The following ADSS1 variants were observed in gnomAD, a reference collection of about 807,000 sequenced individuals.
The protein encoded by ADSS1 is adenylosuccinate synthase 1, also known as adenylosuccinate synthetase isozyme 1.
A neutral mutation model predicts 59.1 loss-of-function variants in ADSS1; 57 were observed. That is an observed-to-expected ratio of 0.97 (90% confidence interval 0.78 to 1.20). The LOEUF (loss-of-function observed/expected upper bound fraction) is 1.20. Among genes scored for constraint, ADSS1 ranks in the 50% most tolerant of loss-of-function variants. ADSS1 has a pLI of 0.00. For missense variants in ADSS1, 603 were observed against 610.3 expected (o/e 0.99, Z 0.13); for synonymous variants, 247 against 249.4 (o/e 0.99, Z 0.09).
intron 12 of ADSS1, 59 bp downstream of exon 12, chr14:104,746,444 C>T: frequency 1.3e-6 from 2 of 1,558,742 alleles, no homozygotes; most frequent in Non-Finnish European, 1.7e-6. Flanking sequence ...AAGGGGCCCA[C>T]ATCCCAGCGC....
chr14:104,738,343 ACTCTGTCTCTCATGC>A lies in ADSS1; in HGVS notation c.296-17_296-3del, dbSNP rs765056945. 3.1e-6 allele frequency: 5 copies of A among 1,611,896 alleles called. No individual in the cohort carries two copies. The highest frequency in any genetic ancestry group is 4.2e-6 in the Non-Finnish European group (5 of 1,178,358). On this transcript the variant is annotated intron_variant, in intron 2 of 12. Coordinates refer to ENST00000330877, the MANE Select transcript of ADSS1 (RefSeq NM_152328.5). ...TATGTTTTCCAGTGTCTGGGACACA[ACTCTGTCTCTCATGC>A]CTCTGTCTCTCATGCAGGCAACGGG...
Position 104,747,284 on chromosome 14 carries a change from T to C in ADSS1, c.*281T>C. The C allele has an allele frequency of 3.4e-6, 1 of 291,204 alleles. No homozygotes were observed. Among genetic ancestry groups the C allele is most frequent in the Non-Finnish European group, 6.4e-6 (1 of 156,614 alleles). 18.0% of individuals were successfully genotyped at this position (291,204 alleles called of 1,614,324 possible). A position where few individuals can be genotyped will look rare whatever the true frequency, so the allele number is the denominator to read the frequency against. On this transcript the variant is annotated 3_prime_UTR_variant, in exon 13 of 13. Coordinates refer to ENST00000330877, the MANE Select transcript of ADSS1 (RefSeq NM_152328.5). The stretch of plus-strand genomic sequence containing the variant: ...GGTTGCGTGTCCAGCCGAAGCAGTG[T>C]AATAAACATCTCCAATGGCCACTGA...
intron 4 of ADSS1, 123 bp from the exon 5 acceptor site, chr14:104,739,627 T>G: frequency 8.6e-7 from 1 of 1,164,178 alleles, no homozygotes; most frequent in South Asian, 1.4e-5. Flanking sequence ...GTTTGTCCTC[T>G]TTGAAATCTC....
chr14:104,732,205 G>C (rs934246522), intron 1 of ADSS1, among the ~76,000 whole-genome samples: 13 of 152,190 alleles, frequency 8.5e-5, no homozygotes, highest in Admixed American at 2.0e-4. Context: ...GGACCTGAAG[G>C]CTCTGCCTTT....
chr14:104,740,634 C>T lies in ADSS1; in HGVS notation c.510C>T (p.Thr170=). Residue 170 remains threonine, a synonymous_variant, in exon 6 of 13, where the codon ACC becomes ACT. Coordinates refer to ENST00000330877, the MANE Select transcript of ADSS1 (RefSeq NM_152328.5). This position sits in a 1 kb window ranked among gnomAD's most constrained non-coding sequence, Gnocchi z 4.8. ...IGTTKKGIGP[T]YSSKAARTGL... ...CCACCAAGAAGGGAATCGGACCAAC[C>T]TACTCTTCCAAAGCTGCCCGGACAG... The T allele has an allele frequency of 6.2e-7, 1 of 1,614,000 alleles. No homozygotes were observed.
intron 2 of ADSS1, among the ~76,000 whole-genome samples, chr14:104,736,953 C>T (rs921560859): frequency 6.9e-6 from 1 of 145,418 alleles, no homozygotes; most frequent in African/African-American, 2.6e-5. Context: ...TGCTGTGTTA[C>T]CCAGGCTGGC....
In ADSS1 at chr14:104,745,159, G is replaced by C. The variant is rs1891509506; in HGVS notation, c.1171+250G>C. ...TTCCAGTGTTTTGGGAATGGCTCAGGGGGACAGACTACTCGCCTGGGACCC... is the reference window on the plus strand; with the variant it reads ...TTCCAGTGTTTTGGGAATGGCTCAGCGGGACAGACTACTCGCCTGGGACCC... On this transcript the variant is annotated intron_variant, in intron 11 of 12. Transcript: ENST00000330877. The C allele has an allele frequency of 1.5e-5, 7 of 465,786 alleles. No individual in the cohort carries two copies. In the South Asian group the frequency reaches 1.6e-4, roughly 11 times the overall value. 28.9% of individuals were successfully genotyped at this position (465,786 alleles called of 1,614,324 possible).
Position 104,741,116 on chromosome 14 carries a change from G to C in ADSS1, c.667-1G>C, listed in dbSNP as rs1047491670. 4 of 1,598,310 alleles carry C rather than the reference G, an allele frequency of 2.5e-6. No homozygotes were observed. The highest frequency in any genetic ancestry group is 2.7e-5 in the African/African-American group (2 of 74,500). ...CTCTGCTGCTTGGCCCTTCCTTGCAGGGCTTTGCTGAGCGGATCAGACCCA... is the reference window on the plus strand; with the variant it reads ...CTCTGCTGCTTGGCCCTTCCTTGCACGGCTTTGCTGAGCGGATCAGACCCA... On this transcript the variant is annotated splice_acceptor_variant, in intron 7 of 12. Coordinates refer to ENST00000330877, the MANE Select transcript of ADSS1 (RefSeq NM_152328.5). LOFTEE classifies it high-confidence loss of function.
At chr14:104,735,254 C>A in intron 2 of ADSS1, 132 bp downstream of exon 2, 2 of 797,440 alleles carry the variant, frequency 2.5e-6, no homozygotes, top group African/African-American at 1.7e-5. Context: ...ACCCCAGCCT[C>A]CACCTGCCCC....
chr14:104,724,306 C>G lies in ADSS1; in HGVS notation c.36C>G (p.Pro12=). 2.4e-6 allele frequency: 3 copies of G among 1,234,344 alleles called. No individual in the cohort carries two copies. The highest frequency in any genetic ancestry group is 3.0e-6 in the Non-Finnish European group (3 of 986,862). 76.5% of individuals were successfully genotyped at this position (1,234,344 alleles called of 1,614,324 possible). A position where few individuals can be genotyped will look rare whatever the true frequency, so the allele number is the denominator to read the frequency against. ...CCCGAGCCTCCAACGACCGGCCCCC[C>G]GGCGCAGGCGGCGTCAAGCGGGGGC... ...SGTRASNDRP[P]GAGGVKRGRL... is the part of the protein sequence containing the mutation. Residue 12 remains proline, a synonymous_variant, in exon 1 of 13, where the codon CCC becomes CCG. Transcript: ENST00000330877.
At chr14:104,739,466 G>A (rs1891250795) in intron 4 of ADSS1, 88 bp downstream of exon 4, 1 of 1,448,692 alleles carries the variant, frequency 6.9e-7, no homozygotes, top group Admixed American at 2.0e-5. Flanking sequence ...ACCGAGATCA[G>A]GGAAGTCCCC....
chr14:104,734,962 A>G (rs1433849219), intron 1 of ADSS1, 58 bp from the exon 2 acceptor site: 7 of 1,500,846 alleles, frequency 4.7e-6, no homozygotes, highest in East Asian at 2.3e-5. Flanking sequence ...GGGTCAGTCC[A>G]TGTCCGGGGG....
In ADSS1 at chr14:104,746,303, C is replaced by T. The variant is rs771161230; in HGVS notation, c.1239C>T (p.Thr413=). The T allele has an allele frequency of 2.5e-6, 4 of 1,613,710 alleles. No homozygotes were observed. The African/African-American group carries it at 5.3e-5, about 22-fold the overall frequency. ...YETLPGWKAD[T]TGARRWEDLP... ...CGCTGCCTGGGTGGAAAGCAGACACCACAGGCGCCAGGAGGTGGGAGGACC... is the reference window on the plus strand; with the variant it reads ...CGCTGCCTGGGTGGAAAGCAGACACTACAGGCGCCAGGAGGTGGGAGGACC... The change falls in exon 12 of 13, where the codon ACC becomes ACT. Residue 413 remains threonine, a synonymous_variant. Transcript: ENST00000330877.
At chr14:104,744,967 A>C in intron 11 of ADSS1, 58 bp downstream of exon 11, 2 of 1,511,194 alleles carry the variant, frequency 1.3e-6, no homozygotes, top group South Asian at 1.1e-5. Context: ...ATTGGAATAG[A>C]TAGGACCTGT....
chr14:104,726,890 G>A (rs1890731943), intron 1 of ADSS1, among the ~76,000 whole-genome samples: 1 of 152,198 alleles, frequency 6.6e-6, no homozygotes, highest in Non-Finnish European at 1.5e-5. Context: ...AGTCCCCAAA[G>A]GGTCACCTGG....
intron 1 of ADSS1, among the ~76,000 whole-genome samples, chr14:104,732,235 C>T (rs1427511540): frequency 2.0e-5 from 3 of 152,214 alleles, no homozygotes; most frequent in Non-Finnish European, 4.4e-5. Context: ...CCCAGCCTGA[C>T]GGTACCAGTT....
intron 9 of ADSS1, 69 bp from the exon 10 acceptor site, chr14:104,742,998 G>A: frequency 6.3e-7 from 1 of 1,596,208 alleles, no homozygotes; most frequent in Non-Finnish European, 8.5e-7. Context: ...GGAGGAGGGG[G>A]AGCAGCAGGG....
At chr14:104,726,531 C>T (rs1890722393) in intron 1 of ADSS1, among the ~76,000 whole-genome samples, 1 of 152,234 alleles carries the variant, frequency 6.6e-6, no homozygotes. Context: ...CCACCGGGCT[C>T]CCAGCACCTC....
At chr14:104,739,058 G>C (rs1265731324) in intron 3 of ADSS1, among the ~76,000 whole-genome samples, 1 of 152,218 alleles carries the variant, frequency 6.6e-6, no homozygotes, top group African/African-American at 2.4e-5. Flanking sequence ...ACCAGCTCTG[G>C]CTTCCCAGCC....
Sources: gnomAD v4.1 joint callset for allele counts (sites outside exome capture counted in the v4.1 genomes callset) on GRCh38, gnomAD v4.1.1 for gene constraint, Gnocchi (gnomAD v3.1) non-coding constraint, MANE v1.5 for transcripts, NCBI Gene and HGNC (gene_info 2026-07-23, HGNC 2026-07-21) for gene names.